Variants in B4GALT6 observed in about 807,000 individuals in gnomAD.
The protein encoded by B4GALT6 is beta-1,4-galactosyltransferase 6.
Under a neutral mutation model 46.3 loss-of-function variants are expected in B4GALT6, and 14 were observed. The observed-to-expected ratio is 0.30, with a 90% CI of 0.20 to 0.47. The LOEUF is 0.47. Among genes scored for constraint, B4GALT6 ranks in the 20% least tolerant of loss-of-function variants. The pLI is 0.99. For missense variants in B4GALT6, 386 were observed against 480.1 expected, an observed-to-expected ratio of 0.80 and a Z score of 1.83; for synonymous variants, 168 against 162.0, an observed-to-expected ratio of 1.04 and a Z score of -0.28.
At chr18:31,710,380 AAT>A in the B4GALT6 span, among the ~76,000 whole-genome samples, 1 of 152,192 alleles carries the variant, frequency 6.6e-6, no homozygotes, top group African/African-American at 2.4e-5. Flanking sequence ...CTCCCAAAAA[AAT>A]ATGTTTACCG....
chr18:31,673,629 G>C (rs574732581), intron 1 of B4GALT6, among the ~76,000 whole-genome samples: 1 of 152,260 alleles, frequency 6.6e-6, no homozygotes, highest in East Asian at 1.9e-4. Flanking sequence ...TGCTGAGTTT[G>C]GTCAGGCACT....
upstream of B4GALT6, chr18:31,685,870 G>C (rs766732471): frequency 3.3e-5 from 5 of 152,274 alleles, no homozygotes; most frequent in Non-Finnish European, 4.4e-5. Context: ...ACAGTGTCAG[G>C]ATGTGGCGCG....
chr18:31,670,661 G>C (rs1216222105), intron 1 of B4GALT6, among the ~76,000 whole-genome samples: 2 of 152,184 alleles, frequency 1.3e-5, no homozygotes, highest in Admixed American at 1.3e-4. Flanking sequence ...CACTAAACCA[G>C]CATGAGAATG....
At chr18:31,724,528 C>T in the B4GALT6 span, 1 of 1,012,420 alleles carries the variant, frequency 9.9e-7, no homozygotes. Context: ...ACGTCAGCTC[C>T]GCTTCAGGAA....
chr18:31,677,262 A>G (rs1462987358), intron 1 of B4GALT6, among the ~76,000 whole-genome samples: 1 of 152,266 alleles, frequency 6.6e-6, no homozygotes, highest in Non-Finnish European at 1.5e-5. Flanking sequence ...AAATATAATT[A>G]CTGACATAAA....
At chr18:31,713,198 G>A in the B4GALT6 span, among the ~76,000 whole-genome samples, 1 of 152,010 alleles carries the variant, frequency 6.6e-6, no homozygotes, top group Admixed American at 6.6e-5. Flanking sequence ...ACAAAAACAC[G>A]AAAATTAGCC....
intron 2 of B4GALT6, among the ~76,000 whole-genome samples, chr18:31,661,056 G>C (rs2074208022): frequency 6.6e-6 from 1 of 152,116 alleles, no homozygotes; most frequent in South Asian, 2.1e-4. Flanking sequence ...GATTAAGACG[G>C]CTCTGCAAAT....
chr18:31,687,945 TG>T (rs1364887526), upstream of B4GALT6, among the ~76,000 whole-genome samples: 1 of 152,064 alleles, frequency 6.6e-6, no homozygotes, highest in Non-Finnish European at 1.5e-5. Context: ...CTTGTGAGCA[TG>T]GTAAAATAAA....
upstream of B4GALT6, among the ~76,000 whole-genome samples, chr18:31,687,915 T>G (rs1371439310): frequency 1.3e-5 from 2 of 152,188 alleles, no homozygotes; most frequent in Non-Finnish European, 2.9e-5. Flanking sequence ...ATGAACAATA[T>G]ACACTGTGTT....
the B4GALT6 span, among the ~76,000 whole-genome samples, chr18:31,711,558 A>G: frequency 6.6e-6 from 1 of 152,200 alleles, no homozygotes; most frequent in Admixed American, 6.5e-5. Flanking sequence ...ATGCACAAAC[A>G]ATTTTTAAAC....
chr18:31,690,047 C>T (rs73420398), upstream of B4GALT6, among the ~76,000 whole-genome samples: 58 of 152,262 alleles, frequency 3.8e-4, no homozygotes, highest in African/African-American at 1.1e-3. Context: ...GATAAAAGAA[C>T]TATTACTTGA....
intron 4 of B4GALT6, among the ~76,000 whole-genome samples, chr18:31,639,920 TCTC>T (rs1418453288): frequency 6.6e-6 from 1 of 152,156 alleles, no homozygotes; most frequent in African/African-American, 2.4e-5. Flanking sequence ...ACAATCTAGA[TCTC>T]CTTATAATTT....
intron 1 of B4GALT6, among the ~76,000 whole-genome samples, chr18:31,682,438 GAGT>G (rs1197951458): frequency 6.6e-6 from 1 of 152,164 alleles, no homozygotes; most frequent in Non-Finnish European, 1.5e-5. Flanking sequence ...TACAAAAACA[GAGT>G]AGGTTAAGCC....
At chr18:31,637,943 A>T (rs1372523816) in intron 5 of B4GALT6, among the ~76,000 whole-genome samples, 1 of 145,758 alleles carries the variant, frequency 6.9e-6, no homozygotes, top group East Asian at 1.9e-4. Flanking sequence ...TCTCAATTAA[A>T]TGAAACTTTA....
In B4GALT6 at chr18:31,643,494, T is replaced by G. The variant is rs148555182; in HGVS notation, c.471+1861A>C. ...TTGTATTTTTAGTAGGGATGAGGTTTCATCATGTTGGCCAGGCTGGTCTCA... is the reference window on the plus strand; with the variant it reads ...TTGTATTTTTAGTAGGGATGAGGTTGCATCATGTTGGCCAGGCTGGTCTCA... On this transcript the variant is annotated intron_variant, in intron 4 of 8. Transcript: ENST00000306851. 3.7e-3 allele frequency among the ~76,000 whole-genome samples: 556 copies of G among 152,206 alleles called. 4 individuals carry two copies. Among genetic ancestry groups the G allele is most frequent in the African/African-American group, 0.013 (528 of 41,526 alleles).
chr18:31,654,939 A>T (rs530799626), intron 3 of B4GALT6, among the ~76,000 whole-genome samples: 1 of 152,338 alleles, frequency 6.6e-6, no homozygotes, highest in Non-Finnish European at 1.5e-5. Flanking sequence ...TAAACTCCAC[A>T]CATTTCTCCT....
chr18:31,721,993 G>A, the B4GALT6 span, among the ~76,000 whole-genome samples: 3 of 151,872 alleles, frequency 2.0e-5, no homozygotes, highest in Non-Finnish European at 4.4e-5. Flanking sequence ...CATACCCTTC[G>A]AACTAGGAAT....
At chr18:31,703,280 A>G in the B4GALT6 span, among the ~76,000 whole-genome samples, 12 of 152,256 alleles carry the variant, frequency 7.9e-5, no homozygotes, top group Admixed American at 7.2e-4. Context: ...ATTTGAGGAG[A>G]GATACAAGGG....
chr18:31,664,529 CTTTT>C (rs35854175), intron 2 of B4GALT6, among the ~76,000 whole-genome samples: 7 of 137,998 alleles, frequency 5.1e-5, no homozygotes, highest in Non-Finnish European at 3.2e-5. Context: ...AAGGATTTTC[CTTTT>C]TTTTTTTTTT....
Sources: allele counts gnomAD v4.1 joint callset (sites outside exome capture counted in the v4.1 genomes callset), GRCh38; gene constraint gnomAD v4.1.1; transcripts MANE v1.5; gene names NCBI Gene and HGNC (gene_info 2026-07-23, HGNC 2026-07-21).